Variants in LPA observed in about 807,000 individuals in gnomAD.
The protein encoded by LPA is lipoprotein(a).
A neutral mutation model predicts 197.9 loss-of-function variants in LPA; 199 were observed. The observed-to-expected ratio is 1.01, with a 90% CI of 0.90 to 1.13. The LOEUF is 1.13. Among genes scored for constraint, LPA ranks in the 50% most tolerant of loss-of-function variants. LPA has a pLI of 0.00. For missense variants in LPA, 1,853 were observed against 1,785.8 expected (o/e 1.04, Z -0.68); for synonymous variants, 715 against 639.5 (o/e 1.12, Z -1.78).
At chr6:160,563,808 C>A (rs1037810322) in intron 28 of LPA, among the ~76,000 whole-genome samples, 1 of 152,150 alleles carries the variant, frequency 6.6e-6, no homozygotes, top group African/African-American at 2.4e-5. Context: ...ATACTTTTAC[C>A]ATTAGGTAAT....
intron 20 of LPA, among the ~76,000 whole-genome samples, chr6:160,598,305 A>G (rs1779171344): frequency 6.6e-6 from 1 of 152,136 alleles, no homozygotes; most frequent in Admixed American, 6.5e-5. Context: ...TGGAGCTCCT[A>G]TCCTCCACAA....
chr6:160,560,904 TTTTTTG>T (rs976879204), intron 28 of LPA, among the ~76,000 whole-genome samples: 11 of 148,298 alleles, frequency 7.4e-5, no homozygotes, highest in African/African-American at 2.7e-4. Context: ...TAGGGTTTGA[TTTTTTG>T]TTTTTGTTTT....
intron 28 of LPA, among the ~76,000 whole-genome samples, chr6:160,558,664 G>C (rs995584164): frequency 6.6e-6 from 1 of 152,196 alleles, no homozygotes; most frequent in East Asian, 1.9e-4. Context: ...AAGTCATAAA[G>C]GGCGATGGCT....
At chr6:160,651,915 G>T (rs1780012684) in intron 1 of LPA, among the ~76,000 whole-genome samples, 1 of 151,810 alleles carries the variant, frequency 6.6e-6, no homozygotes, top group Non-Finnish European at 1.5e-5. Flanking sequence ...TGAATGCACT[G>T]AGGAGTCAAT....
At chr6:160,661,993 G>A (rs80106498) in intron 1 of LPA, among the ~76,000 whole-genome samples, 14,084 of 152,202 alleles carry the variant, frequency 0.093, 818 homozygotes, top group Non-Finnish European at 0.14. Context: ...TAAGTTACCT[G>A]TAACTGTGTC....
chr6:160,593,924 G>A, intron 22 of LPA, 34 bp downstream of exon 22: 1 of 1,611,348 alleles, frequency 6.2e-7, no homozygotes, highest in Non-Finnish European at 8.5e-7. Flanking sequence ...TAAGGGGGCT[G>A]CTGTCTGTCT....
At chr6:160,663,530 T>C (rs1031127349) in intron 1 of LPA, among the ~76,000 whole-genome samples, 1 of 152,218 alleles carries the variant, frequency 6.6e-6, no homozygotes, top group Non-Finnish European at 1.5e-5. Flanking sequence ...ACACGGTGTG[T>C]ATGTGTGTAT....
intron 20 of LPA, among the ~76,000 whole-genome samples, chr6:160,596,679 C>G (rs1421032131): frequency 6.6e-6 from 1 of 152,144 alleles, no homozygotes; most frequent in East Asian, 1.9e-4. Flanking sequence ...TAGCATCTTA[C>G]TTTTCACGTA....
At chr6:160,657,398 C>CTTTT (rs56850029) in intron 1 of LPA, among the ~76,000 whole-genome samples, 7 of 134,650 alleles carry the variant, frequency 5.2e-5, no homozygotes, top group African/African-American at 1.4e-4. Context: ...ACTATTATAA[C>CTTTT]TTTTTTTTTT....
rs1582893954 is a variant in LPA, at chr6:160,635,295, G to A, written c.903C>T (p.Ile301=). The A allele has an allele frequency of 1.7e-6, 2 of 1,169,740 alleles. No individual in the cohort carries two copies. Among genetic ancestry groups the A allele is most frequent in the African/African-American group, 2.1e-5 (1 of 46,576 alleles). 72.5% of individuals were successfully genotyped at this position (1,169,740 alleles called of 1,614,324 possible). A position where few individuals can be genotyped will look rare whatever the true frequency, so the allele number is the denominator to read the frequency against. Residue 301 remains isoleucine (I), a synonymous_variant, in exon 7 of 39, where the codon ATC becomes ATT. Coordinates refer to ENST00000316300, the MANE Select transcript of LPA (RefSeq NM_005577.4). ...CATCTGGATTCCTGCAGTAGTTCAT[G>A]ATCAAGCCACTGGAAATTCCAAAAC... ...TPEYYPNAGL[I]MNYCRNPDAV...
intron 30 of LPA, among the ~76,000 whole-genome samples, chr6:160,555,455 A>ATATATATATATATATATATATGTG (rs1287454419): frequency 7.5e-6 from 1 of 133,082 alleles, no homozygotes; most frequent in Non-Finnish European, 1.6e-5. Context: ...ATATATATAT[A>ATATATATATATATATATATATGTG]TGTGTGTGTA....
chr6:160,634,394 T>A (rs1365246264), intron 7 of LPA, among the ~76,000 whole-genome samples: 2 of 109,550 alleles, frequency 1.8e-5, no homozygotes, highest in Non-Finnish European at 1.9e-5. Context: ...ATCCTATATA[T>A]CTGACTGAAG....
intron 16 of LPA, 132 bp downstream of exon 16, chr6:160,611,430 T>A (rs1779514325): frequency 1.4e-5 from 21 of 1,504,310 alleles, no homozygotes; most frequent in African/African-American, 2.8e-5. Flanking sequence ...AAGGAAATCA[T>A]CCTGAGACAT....
At chr6:160,603,801 T>C (rs1388935479) in intron 18 of LPA, among the ~76,000 whole-genome samples, 1 of 152,224 alleles carries the variant, frequency 6.6e-6, no homozygotes, top group Admixed American at 6.5e-5. Flanking sequence ...CTTGGAGACT[T>C]GCTTTTCAGT....
At position 160,601,094 on chromosome 6, in the gene LPA, A is replaced by T; in HGVS notation, c.2950T>A (p.Leu984Met). The change falls in exon 19 of 39, where the codon TTG becomes ATG. Residue 984 changes from leucine to methionine, a missense_variant. Coordinates refer to ENST00000316300, the MANE Select transcript of LPA (RefSeq NM_005577.4). ...GGATTTCGGCAGTAGTTCTTGATCA[A>T]GCCACTGGAAATTCCAAAAGAATAC... Reference protein sequence around the residue: ...RTPAYYPNAGLIKNYCRNPDP... With the variant: ...RTPAYYPNAGMIKNYCRNPDP... 3 of 1,614,084 alleles carry T rather than the reference A, an allele frequency of 1.9e-6. No homozygotes were observed. Among genetic ancestry groups the T allele is most frequent in the Non-Finnish European group, 2.5e-6 (3 of 1,179,956 alleles).
At chr6:160,534,781 T>G (rs150900418) in intron 37 of LPA, among the ~76,000 whole-genome samples, 1 of 152,136 alleles carries the variant, frequency 6.6e-6, no homozygotes, top group Non-Finnish European at 1.5e-5. Context: ...GGGAGCCCAG[T>G]GCAGGATGGT....
intron 19 of LPA, among the ~76,000 whole-genome samples, chr6:160,599,877 T>C (rs6937353): frequency 7.0e-4 from 107 of 152,288 alleles, no homozygotes; most frequent in African/African-American, 2.2e-3. Context: ...AAATATTTCA[T>C]GTAAAACTTA....
intron 19 of LPA, among the ~76,000 whole-genome samples, chr6:160,600,660 T>C (rs538738385): frequency 2.6e-5 from 4 of 152,254 alleles, no homozygotes; most frequent in African/African-American, 7.2e-5. Context: ...AGATAGCCCC[T>C]TTTACAATGA....
In LPA at chr6:160,585,145, C is replaced by A; in HGVS notation, c.4190G>T (p.Arg1397Leu). 4.3e-6 allele frequency: 7 copies of A among 1,613,770 alleles called. No homozygotes were observed. Among genetic ancestry groups the A allele is most frequent in the Non-Finnish European group, 5.9e-6 (7 of 1,179,812 alleles). The change falls in exon 26 of 39, where the codon CGA (arginine) becomes CTA (leucine). Residue 1397 changes from arginine to leucine, a missense_variant. By Grantham distance (102) the Arg-to-Leu change is moderately radical (BLOSUM62 -2). This residue lies in a region of LPA where 1,737 missense variants were observed against 1,504.4 expected (regional missense o/e 1.15). Coordinates refer to ENST00000316300, the MANE Select transcript of LPA (RefSeq NM_005577.4). The stretch of plus-strand genomic sequence containing the variant: ...TGTGATAGTGGTGGAGAGTGTGCCT[C>A]GATAACTCTGTCCATCACCTCGGTA... The part of the protein sequence containing the change: ...DCYRGDGQSY[R>L]GTLSTTITGR...
Sources: gnomAD v4.1 joint callset for allele counts (sites outside exome capture counted in the v4.1 genomes callset) on GRCh38, gnomAD v4.1.1 for gene constraint, gnomAD v4.1.1 regional missense constraint, MANE v1.5 for transcripts, NCBI Gene and HGNC (gene_info 2026-07-23, HGNC 2026-07-21) for gene names.